The following KIF17 variants were observed in gnomAD, a reference collection of about 807,000 sequenced individuals.
KIF17 encodes kinesin family member 17.
A neutral mutation model predicts 96.8 loss-of-function variants in KIF17; 80 were observed. The ratio of observed to expected loss-of-function variants is 0.83; its 90% CI spans 0.69 to 1.00. The LOEUF is 1.00. KIF17 is among the 50% of genes least tolerant of loss of function. The probability of loss-of-function intolerance (pLI) is 0.00; values close to 1 mark genes in which losing one functional copy is unlikely to be tolerated. For missense variants in KIF17, 1,280 were observed against 1,372.9 expected, an observed-to-expected ratio of 0.93 and a Z score of 1.07; for synonymous variants, 567 against 587.5, an observed-to-expected ratio of 0.97 and a Z score of 0.51.
Position 20,690,348 on chromosome 1 carries a change from G to GCCCC in KIF17, c.1234-14_1234-13insGGGG. The stretch of plus-strand genomic sequence containing the variant: ...GCTCTTCATACTCCTGGGGGGGTGG[G>GCCCC]AGGGACCAGAGGGCAGGCAGCATTT... On this transcript the variant is annotated splice_polypyrimidine_tract_variant and intron_variant, in intron 6 of 14. Coordinates refer to ENST00000400463, the MANE Select transcript of KIF17 (RefSeq NM_001122819.3). The GCCCC allele has an allele frequency of 1.5e-5, 11 of 757,318 alleles. No homozygotes were observed. The highest frequency in any genetic ancestry group is 1.9e-5 in the Non-Finnish European group (9 of 468,036). 46.9% of individuals were successfully genotyped at this position (757,318 alleles called of 1,614,324 possible).
chr1:20,691,135 A>G (rs1255749565), intron 6 of KIF17, among the ~76,000 whole-genome samples: 2 of 151,726 alleles, frequency 1.3e-5, no homozygotes, highest in Non-Finnish European at 2.9e-5. Flanking sequence ...CGCCTCTACT[A>G]AAAATGCAAA....
At chr1:20,701,960 A>G (rs1431859123) in intron 5 of KIF17, among the ~76,000 whole-genome samples, 4 of 152,166 alleles carry the variant, frequency 2.6e-5, no homozygotes, top group Non-Finnish European at 5.9e-5. Context: ...TAAGGGGGAA[A>G]TGTCTAAAGT....
chr1:20,689,263 C>T (rs1436032619), intron 7 of KIF17, among the ~76,000 whole-genome samples: 2 of 152,166 alleles, frequency 1.3e-5, no homozygotes, highest in Non-Finnish European at 2.9e-5. Context: ...GGATTCTACA[C>T]TATTCATGAG....
intron 11 of KIF17, among the ~76,000 whole-genome samples, chr1:20,681,634 A>G (rs113447096): frequency 1.3e-4 from 20 of 152,244 alleles, no homozygotes; most frequent in African/African-American, 4.6e-4. Context: ...AAAGCTCCAA[A>G]GGCAGTGCAC....
chr1:20,672,201 A>G lies in KIF17; in HGVS notation c.2464-5T>C, dbSNP rs371330003. The G allele has an allele frequency of 6.2e-7, 1 of 1,613,874 alleles. No individual in the cohort carries two copies. The highest frequency in any genetic ancestry group is 8.5e-7 in the Non-Finnish European group (1 of 1,180,000). ...CTCCACCTCTGCTGCCCGAAGCTGAAAGCAAAGGATGACAAGCAGTGAGCA... is the reference window on the plus strand; with the variant it reads ...CTCCACCTCTGCTGCCCGAAGCTGAGAGCAAAGGATGACAAGCAGTGAGCA... On this transcript the variant is annotated splice_region_variant and splice_polypyrimidine_tract_variant and intron_variant, in intron 11 of 14. Transcript: ENST00000400463. The surrounding 1 kb of genome is among the most constrained non-coding windows in gnomAD (Gnocchi z 4.3).
intron 10 of KIF17, among the ~76,000 whole-genome samples, chr1:20,684,317 C>T (rs971473894): frequency 1.3e-5 from 2 of 152,234 alleles, no homozygotes; most frequent in Admixed American, 6.5e-5. Context: ...GCCTGTTGAA[C>T]CCCTGGATGA....
intron 4 of KIF17, among the ~76,000 whole-genome samples, chr1:20,708,583 G>A (rs970561674): frequency 1.3e-5 from 2 of 152,222 alleles, no homozygotes; most frequent in African/African-American, 4.8e-5. Flanking sequence ...CTTGGAGGCA[G>A]CTGCAGCATT....
At chr1:20,673,867 T>G (rs536067747) in intron 11 of KIF17, among the ~76,000 whole-genome samples, 100 of 152,058 alleles carry the variant, frequency 6.6e-4, no homozygotes, top group Non-Finnish European at 8.5e-4. Context: ...GCACGTGGTG[T>G]TAGTGGGTAT....
chr1:20,673,214 A>T (rs2053678648), intron 11 of KIF17, among the ~76,000 whole-genome samples: 1 of 152,034 alleles, frequency 6.6e-6, no homozygotes, highest in Non-Finnish European at 1.5e-5. Context: ...ACTCTGTCTC[A>T]AAATAAATAA....
chr1:20,702,150 C>T (rs1169344571), intron 5 of KIF17, among the ~76,000 whole-genome samples: 1 of 152,162 alleles, frequency 6.6e-6, no homozygotes, highest in African/African-American at 2.4e-5. Flanking sequence ...ACACACAAGG[C>T]AGGTGTCGCT....
intron 11 of KIF17, among the ~76,000 whole-genome samples, chr1:20,678,156 G>A (rs1322650755): frequency 2.6e-5 from 4 of 152,150 alleles, no homozygotes; most frequent in Non-Finnish European, 5.9e-5. Context: ...CTTACATGGT[G>A]GCAGGCAAAA....
In KIF17 at chr1:20,717,494, G is replaced by A; in HGVS notation, c.213C>T (p.Ile71=). Residue 71 remains isoleucine, a synonymous_variant, in exon 1 of 15, where the codon ATC becomes ATT. Coordinates refer to ENST00000400463, the MANE Select transcript of KIF17 (RefSeq NM_001122819.3). ...DHVTEQIYNE[I]AYPLVEGVTE... is the part of the protein sequence containing the mutation. Reference sequence around the variant, plus strand: ...CCCTCACCTCCACCAGCGGATAGGCGATCTCGTTGTAGATCTGCTCGGTGA... The same window carrying A: ...CCCTCACCTCCACCAGCGGATAGGCAATCTCGTTGTAGATCTGCTCGGTGA... 6.2e-7 allele frequency: 1 copy of A among 1,611,520 alleles called. No individual in the cohort carries two copies. The highest frequency in any genetic ancestry group is 8.5e-7 in the Non-Finnish European group (1 of 1,179,610).
intron 6 of KIF17, chr1:20,693,800 AGGGTGTGAATGGGTGTGAAT>A (rs1013770631): frequency 6.6e-6 from 1 of 152,134 alleles, no homozygotes; most frequent in Non-Finnish European, 1.5e-5. Context: ...TGCCCAGGGA[AGGGTGTGAATGGGTGTGAAT>A]GGGTGTGAAT....
At chr1:20,716,661 G>C (rs1378911657) in intron 1 of KIF17, among the ~76,000 whole-genome samples, 1 of 152,224 alleles carries the variant, frequency 6.6e-6, no homozygotes, top group African/African-American at 2.4e-5. Context: ...ATGAGGTGTG[G>C]AGAGCAGGAG....
chr1:20,700,155 C>T lies in KIF17; in HGVS notation c.1124-1667G>A, dbSNP rs1454837294. On this transcript the variant is annotated intron_variant, in intron 5 of 14. Transcript: ENST00000400463. This position sits in a 1 kb window ranked among gnomAD's most constrained non-coding sequence, Gnocchi z 4.6. ...GTGTGATCTCGGCTCACTGCAACCTCCCTCTCCCAGGTTCAAGTGATTCTC... is the reference window on the plus strand; with the variant it reads ...GTGTGATCTCGGCTCACTGCAACCTTCCTCTCCCAGGTTCAAGTGATTCTC... Among the ~76,000 whole-genome samples, 1 of 151,978 alleles carries T rather than the reference C, an allele frequency of 6.6e-6. No homozygotes were observed. Among genetic ancestry groups the T allele is most frequent in the Non-Finnish European group, 1.5e-5 (1 of 67,988 alleles).
chr1:20,670,693 A>G (rs1277381761), intron 12 of KIF17, among the ~76,000 whole-genome samples: 1 of 152,180 alleles, frequency 6.6e-6, no homozygotes, highest in East Asian at 1.9e-4. Context: ...CAGGCAAGAC[A>G]GCAGCCAAGG....
In KIF17 at chr1:20,687,108, T is replaced by G. The variant is rs1414161668; in HGVS notation, c.1938+280A>C. Among the ~76,000 whole-genome samples, 3 of 152,022 alleles carry G rather than the reference T, an allele frequency of 2.0e-5. No homozygotes were observed. The highest frequency in any genetic ancestry group is 1.5e-5 in the Non-Finnish European group (1 of 68,000). ...GGCAAACGCCCTGTACAGCTGTCCC[T>G]CCATCTGCAGAACGGGAGCCCACCT... On this transcript the variant is annotated intron_variant, in intron 8 of 14. Coordinates refer to ENST00000400463, the MANE Select transcript of KIF17 (RefSeq NM_001122819.3). The surrounding 1 kb of genome is among the most constrained non-coding windows in gnomAD (Gnocchi z 4.4).
At chr1:20,663,380 T>A (rs1208572244), downstream of KIF17, among the ~76,000 whole-genome samples, 4 of 152,166 alleles carry the variant, frequency 2.6e-5, no homozygotes, top group Non-Finnish European at 5.9e-5. Context: ...GGCATGTGGC[T>A]TGTGGGGCCT....
At chr1:20,684,601 C>A (rs891974124) in intron 10 of KIF17, among the ~76,000 whole-genome samples, 5 of 152,182 alleles carry the variant, frequency 3.3e-5, no homozygotes, top group Non-Finnish European at 5.9e-5. Context: ...GGCCAGCAGG[C>A]CTGACAAGGG....
Sources: allele counts gnomAD v4.1 joint callset (sites outside exome capture counted in the v4.1 genomes callset), GRCh38; gene constraint gnomAD v4.1.1; non-coding constraint Gnocchi (gnomAD v3.1); transcripts MANE v1.5; gene names NCBI Gene and HGNC (gene_info 2026-07-23, HGNC 2026-07-21).